Variants in NELFCD observed in about 807,000 individuals in gnomAD.
NELFCD encodes the protein negative elongation factor C/D.
A neutral mutation model predicts 72.9 loss-of-function variants in NELFCD; 48 were observed. The ratio of observed to expected loss-of-function variants is 0.66; its 90% CI spans 0.52 to 0.84. The LOEUF (loss-of-function observed/expected upper bound fraction) is 0.84, where lower values mean the gene tolerates loss of function less well. NELFCD is among the 40% of genes least tolerant of loss of function. The probability of loss-of-function intolerance (pLI) is 0.00; values close to 1 mark genes in which losing one functional copy is unlikely to be tolerated. For synonymous variants in NELFCD, 297 were observed against 280.6 expected, an observed-to-expected ratio of 1.06 and a Z score of -0.59; for missense variants, 538 against 723.8, an observed-to-expected ratio of 0.74 and a Z score of 2.94.
In NELFCD at chr20:58,986,800, T is replaced by C. The variant is rs764311421; in HGVS notation, c.223T>C (p.Ser75Pro). ...TCCAGAGAATGTTATCCAGCTCTTA[T>C]CTGAAAACTACACCGCTGTGGCCCA... ...GSPENVIQLLSENYTAVAQTV... is the reference protein window; with the variant it reads ...GSPENVIQLLPENYTAVAQTV... The change falls in exon 3 of 15, where the codon TCT (serine) becomes CCT (proline). Residue 75 changes from serine (S) to proline (P), a missense_variant. By Grantham distance (74) the Ser-to-Pro change is moderately conservative. Around this residue, in one of 3 missense-constraint regions of NELFCD, gnomAD observed 355 missense variants for 534.5 expected, o/e 0.66. Coordinates refer to ENST00000652272, the MANE Select transcript of NELFCD (RefSeq NM_198976.4). This position sits in a 1 kb window ranked among gnomAD's most constrained non-coding sequence, Gnocchi z 4.4. 3.7e-6 allele frequency: 6 copies of C among 1,614,018 alleles called. No homozygotes were observed. Among genetic ancestry groups the C allele is most frequent in the Non-Finnish European group, 5.1e-6 (6 of 1,180,024 alleles).
rs1233398468 is a variant in NELFCD, at chr20:58,993,609, C to T, written c.1441-15C>T. On this transcript the variant is annotated splice_polypyrimidine_tract_variant and intron_variant, in intron 12 of 14. Transcript: ENST00000652272. This position sits in a 1 kb window ranked among gnomAD's most constrained non-coding sequence, Gnocchi z 5.0. The stretch of plus-strand genomic sequence containing the variant: ...GACCCTCTCTAACCAGCTCCCTGTC[C>T]CCCTTCTTCTGTAGCTTGAGTTGAA... The T allele has an allele frequency of 6.2e-7, 1 of 1,614,068 alleles. No individual in the cohort carries two copies. The highest frequency in any genetic ancestry group is 8.5e-7 in the Non-Finnish European group (1 of 1,180,018).
In NELFCD at chr20:58,989,714, C is replaced by T. The variant is rs541152557; in HGVS notation, c.657+74C>T. The T allele has an allele frequency of 9.3e-6, 15 of 1,608,268 alleles. No homozygotes were observed. The African/African-American group carries it at 1.7e-4, about 19-fold the overall frequency. On this transcript the variant is annotated intron_variant, in intron 6 of 14. Transcript: ENST00000652272. ...TCTTGGTTTTCAAGCATGAGATGCT[C>T]CTTCCCTGGAGAGAATCTCCATTTC...
chr20:58,984,200 T>C (rs2091756378), intron 1 of NELFCD, among the ~76,000 whole-genome samples: 1 of 151,792 alleles, frequency 6.6e-6, no homozygotes. Context: ...CTGCTACAGA[T>C]TGCAAATGGG....
In NELFCD at chr20:58,993,779, G is replaced by A. The variant is rs2091835883; in HGVS notation, c.1581+15G>A. On this transcript the variant is annotated intron_variant, in intron 13 of 14. Coordinates refer to ENST00000652272, the MANE Select transcript of NELFCD (RefSeq NM_198976.4). This position sits in a 1 kb window ranked among gnomAD's most constrained non-coding sequence, Gnocchi z 5.0. Reference sequence around the variant, plus strand: ...TTGTCACTGAGGTCAGCAATGCACCGTTGGTTTCATGTTTCATACTGTTTA... The same window carrying A: ...TTGTCACTGAGGTCAGCAATGCACCATTGGTTTCATGTTTCATACTGTTTA... 7 of 1,613,208 alleles carry A rather than the reference G, an allele frequency of 4.3e-6. No homozygotes were observed. Among genetic ancestry groups the A allele is most frequent in the African/African-American group, 1.3e-5 (1 of 75,042 alleles).
intron 1 of NELFCD, among the ~76,000 whole-genome samples, chr20:58,985,791 G>A (rs533465349): frequency 2.0e-5 from 3 of 152,288 alleles, no homozygotes; most frequent in East Asian, 1.9e-4. Flanking sequence ...GGGAATAGGC[G>A]TTATTATTAT....
chr20:58,987,659 C>G, intron 3 of NELFCD, 49 bp from the exon 4 acceptor site: 3 of 1,463,110 alleles, frequency 2.1e-6, no homozygotes, highest in Non-Finnish European at 2.9e-6. Flanking sequence ...TAAAGCCACA[C>G]AGTGAATGGA....
intron 6 of NELFCD, 60 bp from the exon 7 acceptor site, chr20:58,989,798 C>T (rs753842441): frequency 9.9e-6 from 16 of 1,611,782 alleles, no homozygotes; most frequent in African/African-American, 6.7e-5. Flanking sequence ...GCTTGGCTCT[C>T]GTCCGCCCGT....
rs768080545 is a variant in NELFCD, at chr20:58,991,948, A to G, written c.1157A>G (p.Asn386Ser). The G allele has an allele frequency of 4.3e-5, 70 of 1,614,094 alleles. No individual in the cohort carries two copies. Among genetic ancestry groups the G allele is most frequent in the Non-Finnish European group, 5.7e-5 (67 of 1,180,046 alleles). ...STSKAVETVH[N>S]LCCNENKGAS... ...TCAAAAGCTGTCGAAACCGTTCACA[A>G]TTTGTGTTGCAACGAGAACAAAGGG... Residue 386 changes from asparagine to serine, a missense_variant, in exon 10 of 15, where the codon AAT (asparagine) becomes AGT (serine). Coordinates refer to ENST00000652272, the MANE Select transcript of NELFCD (RefSeq NM_198976.4).
At chr20:58,992,511 C>G (rs185401568) in intron 10 of NELFCD, among the ~76,000 whole-genome samples, 110 of 152,296 alleles carry the variant, frequency 7.2e-4, no homozygotes, top group African/African-American at 2.5e-3. Context: ...CTTTTCCTTT[C>G]GATAAGTGGT....
chr20:58,983,462 C>T (rs1208257520), intron 1 of NELFCD, among the ~76,000 whole-genome samples: 5 of 137,334 alleles, frequency 3.6e-5, no homozygotes, highest in Non-Finnish European at 6.1e-5. Flanking sequence ...TTCTTTGAGA[C>T]GGAGTCTCAC....
rs113288541 is a variant in NELFCD, at chr20:58,991,076, G to T, written c.954+1G>T. On this transcript the variant is annotated splice_donor_variant, in intron 8 of 14. Transcript: ENST00000652272. LOFTEE classifies it high-confidence loss of function. ...CATGGACCCTCCTCCGGTTGAACTT[G>T]TAAGTTGCTTCTCAAGAATCCCCAA... 1 of 1,612,274 alleles carries T rather than the reference G, an allele frequency of 6.2e-7. No homozygotes were observed. Among genetic ancestry groups the T allele is most frequent in the Non-Finnish European group, 8.5e-7 (1 of 1,178,838 alleles).
chr20:58,992,998 G>A lies in NELFCD; in HGVS notation c.1230G>A (p.Arg410=). Residue 410 remains arginine, a splice_region_variant and synonymous_variant, in exon 11 of 15, where the codon AGG becomes AGA. Coordinates refer to ENST00000652272, the MANE Select transcript of NELFCD (RefSeq NM_198976.4). ...AELSTLYQCI[R]FPVVAMGVLK... is the part of the protein sequence containing the mutation. ...AGGAAGCATTCTGCCTTAACTGTAG[G>A]TTTCCAGTGGTAGCAATGGGTGTGC... The A allele has an allele frequency of 6.2e-7, 1 of 1,609,766 alleles. No homozygotes were observed. Among genetic ancestry groups the A allele is most frequent in the Non-Finnish European group, 8.5e-7 (1 of 1,176,088 alleles).
At chr20:58,988,418 G>T (rs2091788368) in intron 4 of NELFCD, among the ~76,000 whole-genome samples, 1 of 152,220 alleles carries the variant, frequency 6.6e-6, no homozygotes, top group Non-Finnish European at 1.5e-5. Flanking sequence ...TCCATCTGTG[G>T]CTGGGAGCAG....
Position 58,995,092 on chromosome 20 carries a change from A to G in NELFCD, c.*416A>G. ...TGTCTTAATTTGCTAAGAACAAGTAATAAGTAAATTTTTAAAAAGCCTTTC... is the reference window on the plus strand; with the variant it reads ...TGTCTTAATTTGCTAAGAACAAGTAGTAAGTAAATTTTTAAAAAGCCTTTC... On this transcript the variant is annotated 3_prime_UTR_variant, in exon 15 of 15. Transcript: ENST00000652272. 5.5e-6 allele frequency: 1 copy of G among 182,086 alleles called. No individual in the cohort carries two copies. Among genetic ancestry groups the G allele is most frequent in the Non-Finnish European group, 1.1e-5 (1 of 87,014 alleles). The allele number at this position is 182,086 out of a possible 1,614,324, so 11.3% of individuals were successfully genotyped here. A position where few individuals can be genotyped will look rare whatever the true frequency, so the allele number is the denominator to read the frequency against.
intron 3 of NELFCD, chr20:58,987,504 C>T: frequency 3.6e-6 from 2 of 562,850 alleles, no homozygotes; most frequent in East Asian, 6.0e-5. Context: ...AGGGGTGGAC[C>T]AGACTTGTGT....
rs2091771668 is a variant in NELFCD, at chr20:58,986,306, G to A, written c.176+98G>A. The A allele has an allele frequency of 2.7e-5, 22 of 814,604 alleles. No individual in the cohort carries two copies. Among genetic ancestry groups the A allele is most frequent in the South Asian group, 7.6e-5 (5 of 65,834 alleles). The allele number at this position is 814,604 out of a possible 1,614,324, so 50.5% of individuals were successfully genotyped here. On this transcript the variant is annotated intron_variant, in intron 2 of 14. Transcript: ENST00000652272. This position sits in a 1 kb window ranked among gnomAD's most constrained non-coding sequence, Gnocchi z 4.4. ...AGGTGCTATGTAAAGCAAGAGTAAC[G>A]CGAACTGAACTAAAGGCTTCAAGGG...
At chr20:58,989,205 G>C (rs113925884) in intron 5 of NELFCD, 184 bp downstream of exon 5, 1 of 625,558 alleles carries the variant, frequency 1.6e-6, no homozygotes. Flanking sequence ...GGTCAGTGTT[G>C]ACTGTGTTTT....
rs898296953 is a variant in NELFCD at position 58,992,878 on chromosome 20, C to T, written c.1230-120C>T. On this transcript the variant is annotated intron_variant, in intron 10 of 14. Transcript: ENST00000652272. ...AAAAAAAAAAAAAAGGGTTGGGGGG[C>T]GTATTGAAGGGTGAATGATGGAGTC... The T allele has an allele frequency of 7.1e-5, 39 of 546,452 alleles. No homozygotes were observed. In the East Asian group the frequency reaches 8.3e-4, roughly 12 times the overall value. 33.9% of individuals were successfully genotyped at this position (546,452 alleles called of 1,614,324 possible).
chr20:58,985,966 C>G (rs2091768718), intron 1 of NELFCD, 127 bp from the exon 2 acceptor site: 2 of 705,200 alleles, frequency 2.8e-6, no homozygotes, highest in African/African-American at 1.8e-5. Context: ...ATGAAATTGT[C>G]ATGAAAGTCA....
Sources: allele counts gnomAD v4.1 joint callset (sites outside exome capture counted in the v4.1 genomes callset), GRCh38; gene constraint gnomAD v4.1.1; regional missense constraint gnomAD v4.1.1; non-coding constraint Gnocchi (gnomAD v3.1); transcripts MANE v1.5; gene names NCBI Gene and HGNC (gene_info 2026-07-23, HGNC 2026-07-21).